Variants in ADAM23 observed in about 807,000 individuals in gnomAD.
ADAM23 encodes the protein disintegrin and metalloproteinase domain-containing protein 23.
ADAM23 carries 33 observed loss-of-function variants against 120.1 expected under a neutral mutation model. The ratio of observed to expected loss-of-function variants is 0.27; its 90% CI spans 0.21 to 0.37. The LOEUF (loss-of-function observed/expected upper bound fraction) is 0.37, where lower values mean the gene tolerates loss of function less well. Ranked by LOEUF, ADAM23 falls within the 10% of genes least tolerant of loss-of-function variation. The pLI is 1.00. For synonymous variants in ADAM23, 367 were observed against 375.2 expected, an observed-to-expected ratio of 0.98 and a Z score of 0.25; for missense variants, 862 against 1,058.2, an observed-to-expected ratio of 0.81 and a Z score of 2.57.
chr2:206,515,546 A>G (rs1166312125), intron 3 of ADAM23, among the ~76,000 whole-genome samples: 2 of 152,114 alleles, frequency 1.3e-5, no homozygotes, highest in East Asian at 3.9e-4. Flanking sequence ...TTCTGCTCCT[A>G]CAGCTCTCTG....
At chr2:206,534,823 G>A (rs1697138206) in intron 4 of ADAM23, among the ~76,000 whole-genome samples, 3 of 152,034 alleles carry the variant, frequency 2.0e-5, no homozygotes, top group Admixed American at 2.0e-4. Flanking sequence ...TTATTAGGTG[G>A]GGAAGGCTTC....
At chr2:206,543,893 C>T (rs1272449775) in intron 6 of ADAM23, among the ~76,000 whole-genome samples, 2 of 152,172 alleles carry the variant, frequency 1.3e-5, no homozygotes, top group African/African-American at 2.4e-5. Context: ...GAAAACCAAA[C>T]ATTGTGTGTT....
At chr2:206,488,355 T>A (rs555665414) in intron 3 of ADAM23, among the ~76,000 whole-genome samples, 14 of 152,248 alleles carry the variant, frequency 9.2e-5, no homozygotes, top group Admixed American at 8.5e-4. Context: ...AGAAAGTGAC[T>A]TGAGAGATCT....
At chr2:206,464,733 G>A (rs560854899) in intron 2 of ADAM23, among the ~76,000 whole-genome samples, 1 of 152,046 alleles carries the variant, frequency 6.6e-6, no homozygotes, top group Non-Finnish European at 1.5e-5. Flanking sequence ...AGGACATTTG[G>A]CAGTGTCTGG....
chr2:206,588,180 G>A, intron 20 of ADAM23, 26 bp downstream of exon 20: 1 of 1,610,952 alleles, frequency 6.2e-7, no homozygotes, highest in Non-Finnish European at 8.5e-7. Flanking sequence ...TTGCTTGGCG[G>A]TTACACATAC....
chr2:206,606,809 G>T (rs558332333), intron 24 of ADAM23: 1 of 151,996 alleles, frequency 6.6e-6, no homozygotes, highest in Non-Finnish European at 1.5e-5. Flanking sequence ...TTTAAGAATG[G>T]CAGACATAAC....
intron 14 of ADAM23, among the ~76,000 whole-genome samples, chr2:206,566,944 GC>G (rs970862619): frequency 2.0e-5 from 3 of 152,032 alleles, no homozygotes; most frequent in African/African-American, 7.2e-5. Context: ...TTTGTAATGA[GC>G]TTTTTAAAAA....
At chr2:206,494,582 G>A (rs1574496255) in intron 3 of ADAM23, among the ~76,000 whole-genome samples, 1 of 152,140 alleles carries the variant, frequency 6.6e-6, no homozygotes, top group East Asian at 1.9e-4. Context: ...AGTACTTTTG[G>A]GTGTGGTGAG....
rs1446890554 is a variant in ADAM23, at chr2:206,617,705, T to G, written c.*78T>G. On this transcript the variant is annotated 3_prime_UTR_variant, in exon 26 of 26. Coordinates refer to ENST00000264377, the MANE Select transcript of ADAM23 (RefSeq NM_003812.4). ...ATACTCGCAGCAGTGTTACTGGAAC[T>G]ATTAAGTTTGTAAACAAAACCTTTG... 6.3e-7 allele frequency: 1 copy of G among 1,585,074 alleles called. No homozygotes were observed. The highest frequency in any genetic ancestry group is 8.6e-7 in the Non-Finnish European group (1 of 1,165,714).
intron 2 of ADAM23, among the ~76,000 whole-genome samples, chr2:206,452,918 C>T (rs1695226012): frequency 2.6e-5 from 4 of 152,180 alleles, no homozygotes; most frequent in Admixed American, 2.6e-4. Flanking sequence ...GTGTTCTTGT[C>T]ATCGCCTCTG....
chr2:206,497,810 A>G (rs966827758), intron 3 of ADAM23, among the ~76,000 whole-genome samples: 6 of 152,074 alleles, frequency 3.9e-5, no homozygotes, highest in East Asian at 1.9e-4. Flanking sequence ...CAAAGTCTCA[A>G]GATACAAAAT....
intron 24 of ADAM23, chr2:206,605,681 C>T: frequency 1.5e-6 from 1 of 656,786 alleles, no homozygotes. Context: ...CAAAAAAATT[C>T]AATATTTAGC....
At chr2:206,471,377 G>A (rs1695657615) in intron 2 of ADAM23, among the ~76,000 whole-genome samples, 2 of 152,136 alleles carry the variant, frequency 1.3e-5, no homozygotes, top group African/African-American at 4.8e-5. Context: ...ATTGATATTT[G>A]CATTGACATG....
In ADAM23 at chr2:206,594,914, G is replaced by A; in HGVS notation, c.2247+9G>A. On this transcript the variant is annotated intron_variant, in intron 23 of 25. Coordinates refer to ENST00000264377, the MANE Select transcript of ADAM23 (RefSeq NM_003812.4). Reference sequence around the variant, plus strand: ...TCTGTTCGGGCCATGGGGTAAGTAGGTATCAATGTGACAGCTGGAACCTTC... The same window carrying A: ...TCTGTTCGGGCCATGGGGTAAGTAGATATCAATGTGACAGCTGGAACCTTC... The A allele has an allele frequency of 6.2e-7, 1 of 1,613,802 alleles. No homozygotes were observed. Among genetic ancestry groups the A allele is most frequent in the East Asian group, 2.2e-5 (1 of 44,870 alleles).
chr2:206,588,038 T>G (rs1307925000), intron 19 of ADAM23, 53 bp from the exon 20 acceptor site: 1 of 1,584,460 alleles, frequency 6.3e-7, no homozygotes, highest in East Asian at 2.2e-5. Context: ...AGTAAAAACA[T>G]TGGGGAAGAC....
intron 2 of ADAM23, among the ~76,000 whole-genome samples, chr2:206,477,893 A>ATATATATATATATATAC: frequency 9.9e-6 from 1 of 101,446 alleles, no homozygotes; most frequent in Non-Finnish European, 1.9e-5. Context: ...AAAAAAAAAA[A>ATATATATATATATATAC]AAAAATATAT....
At chr2:206,539,409 G>C (rs1697246031) in intron 4 of ADAM23, among the ~76,000 whole-genome samples, 1 of 152,172 alleles carries the variant, frequency 6.6e-6, no homozygotes, top group Non-Finnish European at 1.5e-5. Flanking sequence ...CCACTCCTAG[G>C]TGGTCAGGGC....
intron 4 of ADAM23, among the ~76,000 whole-genome samples, chr2:206,531,720 C>G (rs1440011171): frequency 6.6e-6 from 1 of 152,158 alleles, no homozygotes; most frequent in Non-Finnish European, 1.5e-5. Flanking sequence ...GAGCAGTGTC[C>G]CAGTTACTGG....
At chr2:206,505,412 T>C (rs2105896318) in intron 3 of ADAM23, among the ~76,000 whole-genome samples, 1 of 152,252 alleles carries the variant, frequency 6.6e-6, no homozygotes, top group East Asian at 1.9e-4. Flanking sequence ...ATAAAGAAAT[T>C]CCTGAAACTG....
Sources: allele counts gnomAD v4.1 joint callset (sites outside exome capture counted in the v4.1 genomes callset), GRCh38; gene constraint gnomAD v4.1.1; transcripts MANE v1.5; gene names NCBI Gene and HGNC (gene_info 2026-07-23, HGNC 2026-07-21).